TTN: variants seen among roughly 807,000 people sequenced by gnomAD.
The protein encoded by TTN is connectin.
Under a neutral mutation model 3,223.0 loss-of-function variants are expected in TTN, and 1,525 were observed. The ratio of observed to expected loss-of-function variants is 0.47; its 90% confidence interval spans 0.45 to 0.49. The LOEUF is 0.49. TTN is among the 20% of genes least tolerant of loss of function. TTN has a pLI of 0.00. For missense variants in TTN, 40,786 were observed against 43,424.0 expected (o/e 0.94, Z 5.40); for synonymous variants, 14,094 against 15,161.0 (o/e 0.93, Z 5.17).
At position 178,591,518 on chromosome 2, in the gene TTN, A is replaced by T. The variant is rs1294929141; in HGVS notation, c.60221-14T>A. ...CGGATGGAGGCACTGAAAAGTAAAC[A>T]TGAAAAAATTAGATTTTGATTTTCA... is the stretch of plus-strand genomic sequence containing the variant. On this transcript the variant is annotated splice_polypyrimidine_tract_variant and intron_variant, in intron 303 of 362. Transcript: ENST00000589042. The T allele has an allele frequency of 6.3e-7, 1 of 1,583,336 alleles. No homozygotes were observed. Among genetic ancestry groups the T allele is most frequent in the East Asian group, 2.2e-5 (1 of 44,648 alleles).
chr2:178,722,533 T>C lies in TTN; in HGVS notation c.22254A>G (p.Pro7418=), dbSNP rs1188873751. ...CCTTTAATTGTCTTGCAAAAGAAGGTGGGAGTTGGCGCTCTGTAGGGAGAC... is the reference window on the plus strand; with the variant it reads ...CCTTTAATTGTCTTGCAAAAGAAGGCGGGAGTTGGCGCTCTGTAGGGAGAC... The part of the protein sequence containing the change: ...TVFRIQERQL[P]PSFARQLKDI... Residue 7418 remains proline (P), a synonymous_variant, in exon 77 of 363, where the codon CCA becomes CCG. Coordinates refer to ENST00000589042, the MANE Select transcript of TTN (RefSeq NM_001267550.2). The C allele has an allele frequency of 6.2e-7, 1 of 1,611,886 alleles. No homozygotes were observed. The highest frequency in any genetic ancestry group is 8.5e-7 in the Non-Finnish European group (1 of 1,178,598).
In TTN at chr2:178,799,691, A is replaced by G; in HGVS notation, c.710T>C (p.Val237Ala). ...AGCGGCACCATCTATGACCATCTCA[A>G]CTGTTGCAATTGATCTGGCATCAAA... ...AHFDARSIATVEMVIDGAAGQ... is the reference protein window; with the variant it reads ...AHFDARSIATAEMVIDGAAGQ... The change falls in exon 6 of 363, where the codon GTT becomes GCT. Residue 237 changes from valine (V) to alanine (A), a missense_variant. Physicochemically the swap from Val to Ala is moderately conservative, Grantham distance 64 (BLOSUM62 0). Transcript: ENST00000589042. The G allele has an allele frequency of 6.2e-7, 1 of 1,614,212 alleles. No homozygotes were observed. Among genetic ancestry groups the G allele is most frequent in the South Asian group, 1.1e-5 (1 of 91,084 alleles).
intron 149 of TTN, 73 bp downstream of exon 149, chr2:178,675,598 G>T: frequency 2.6e-6 from 3 of 1,138,744 alleles, no homozygotes; most frequent in Non-Finnish European, 3.5e-6. Flanking sequence ...CATTTATGTT[G>T]AGTGTCCTGT....
At position 178,723,625 on chromosome 2, in the gene TTN, C is replaced by T. The variant is rs371267140; in HGVS notation, c.21475G>A (p.Val7159Ile). The T allele has an allele frequency of 3.4e-5, 55 of 1,612,026 alleles. No homozygotes were observed. The highest frequency in any genetic ancestry group is 2.4e-4 in the African/African-American group (18 of 74,824). The change falls in exon 74 of 363, where the codon GTT becomes ATT. Residue 7159 changes from valine to isoleucine, a missense_variant. Physicochemically the swap from Val to Ile is conservative, Grantham distance 29 (BLOSUM62 3). Transcript: ENST00000589042. ...TTGAATGGAGGGGTTCCTCTAATAA[C>T]GCTTGTGAAGGTTACATTTTTGCCT... Reference protein sequence around the residue: ...LPGKNVTFTSVIRGTPPFKVN... With the variant: ...LPGKNVTFTSIIRGTPPFKVN...
intron 43 of TTN, 51 bp downstream of exon 43, chr2:178,764,126 A>T (rs760173583): frequency 3.7e-6 from 6 of 1,613,478 alleles, no homozygotes; most frequent in Middle Eastern, 1.7e-4. Flanking sequence ...TGTTTTTCCC[A>T]TGTAATTATT....
In TTN at chr2:178,731,057, T is replaced by C; in HGVS notation, c.17608A>G (p.Lys5870Glu). 6.2e-7 allele frequency: 1 copy of C among 1,613,736 alleles called. No homozygotes were observed. The highest frequency in any genetic ancestry group is 8.5e-7 in the Non-Finnish European group (1 of 1,179,722). The part of the protein sequence containing the change: ...GQELTLGSKY[K>E]ISVTDTVSIL... ...GAGACTGTATCAGTGACACTGATTTTATATTTTGAGCCCAGGGTCAGTTCT... is the reference window on the plus strand; with the variant it reads ...GAGACTGTATCAGTGACACTGATTTCATATTTTGAGCCCAGGGTCAGTTCT... The change falls in exon 60 of 363, where the codon AAA (lysine) becomes GAA (glutamate). Residue 5870 changes from lysine (K) to glutamate (E), a missense_variant. Lys to Glu is a moderately conservative substitution (Grantham distance 56, BLOSUM62 1). Coordinates refer to ENST00000589042, the MANE Select transcript of TTN (RefSeq NM_001267550.2).
At position 178,544,568 on chromosome 2, in the gene TTN, T is replaced by A. The variant is rs1696143790; in HGVS notation, c.95723-62A>T. 8.2e-6 allele frequency: 12 copies of A among 1,456,268 alleles called. No individual in the cohort carries two copies. In the South Asian group the frequency reaches 1.2e-4, roughly 14 times the overall value. The allele number at this position is 1,456,268 out of a possible 1,614,324, so 90.2% of individuals were successfully genotyped here. On this transcript the variant is annotated intron_variant, in intron 344 of 362. Coordinates refer to ENST00000589042, the MANE Select transcript of TTN (RefSeq NM_001267550.2). The stretch of plus-strand genomic sequence containing the variant: ...AAATAAGGAAATGTTGAGATTTGTA[T>A]TTTTTGTTTTCAAGACTCACAAAGG...
rs867738419 is a variant in TTN, at chr2:178,764,630, C to T, written c.9885G>A (p.Thr3295=). The change falls in exon 42 of 363, where the codon ACG becomes ACA. Residue 3295 remains threonine, a synonymous_variant. Coordinates refer to ENST00000589042, the MANE Select transcript of TTN (RefSeq NM_001267550.2). The stretch of plus-strand genomic sequence containing the variant: ...CTGGGAAGGCTTCAATTAGCAAAAG[C>T]GTGTATTCTTGCCCATCATGAAGAA... ...CKFLHDGQEY[T]LLLIEAFPED... is the part of the protein sequence containing the mutation. 8 of 1,613,938 alleles carry T rather than the reference C, an allele frequency of 5.0e-6. No homozygotes were observed. Among genetic ancestry groups the T allele is most frequent in the East Asian group, 4.5e-5 (2 of 44,876 alleles).
chr2:178,575,223 C>T lies in TTN; in HGVS notation c.70909G>A (p.Gly23637Ser), dbSNP rs1243986262. Residue 23637 changes from glycine (G) to serine (S), a missense_variant, in exon 326 of 363, where the codon GGC (glycine) becomes AGC (serine). Coordinates refer to ENST00000589042, the MANE Select transcript of TTN (RefSeq NM_001267550.2). This position sits in a 1 kb window ranked among gnomAD's most constrained non-coding sequence, Gnocchi z 4.0. Reference protein sequence around the residue: ...QTMLPELDLRGIYQKLVIAKA... With the variant: ...QTMLPELDLRSIYQKLVIAKA... ...GCAATGACCAGTTTCTGATAGATGC[C>T]ACGGAGATCCAGCTCTGGAAGCATT... is the stretch of plus-strand genomic sequence containing the variant. 2 of 1,612,856 alleles carry T rather than the reference C, an allele frequency of 1.2e-6. No homozygotes were observed. The highest frequency in any genetic ancestry group is 1.7e-5 in the Admixed American group (1 of 59,914).
chr2:178,546,399 T>C lies in TTN; in HGVS notation c.94932A>G (p.Glu31644=). Reference sequence around the variant, plus strand: ...CTCCTTTGGTCCAGATAATTTTGGGTTCAGGTTTGCCACCAACTGCAGCAT... The same window carrying C: ...CTCCTTTGGTCCAGATAATTTTGGGCTCAGGTTTGCCACCAACTGCAGCAT... ...VLDAAVGGKP[E]PKIIWTKGDK... is the part of the protein sequence containing the mutation. The change falls in exon 342 of 363, where the codon GAA becomes GAG. Residue 31644 remains glutamate (E), a synonymous_variant. Transcript: ENST00000589042. 1 of 1,613,788 alleles carries C rather than the reference T, an allele frequency of 6.2e-7. No homozygotes were observed. Among genetic ancestry groups the C allele is most frequent in the Non-Finnish European group, 8.5e-7 (1 of 1,179,750 alleles).
At position 178,527,730 on chromosome 2, in the gene TTN, G is replaced by A; in HGVS notation, c.107396C>T (p.Ser35799Phe). Residue 35799 changes from serine to phenylalanine, a missense_variant, in exon 362 of 363, where the codon TCC (serine) becomes TTC (phenylalanine). Coordinates refer to ENST00000589042, the MANE Select transcript of TTN (RefSeq NM_001267550.2). ...ACTTGTTCTCAATACTACCTCTCTG[G>A]AAGGTTCTTCAACTAGAGCTGTGGA... is the stretch of plus-strand genomic sequence containing the variant. Reference protein sequence around the residue: ...LMVLPLVEEPSREVVLRTSGD... With the variant: ...LMVLPLVEEPFREVVLRTSGD... 6.2e-7 allele frequency: 1 copy of A among 1,601,418 alleles called. No individual in the cohort carries two copies. Among genetic ancestry groups the A allele is most frequent in the Non-Finnish European group, 8.5e-7 (1 of 1,171,754 alleles).
rs886042431 is a variant in TTN, at chr2:178,768,150, G to C, written c.9169C>G (p.His3057Asp). 6.2e-7 allele frequency: 1 copy of C among 1,613,946 alleles called. No homozygotes were observed. Among genetic ancestry groups the C allele is most frequent in the Non-Finnish European group, 8.5e-7 (1 of 1,179,982 alleles). ...STATLYVEAR[H>D]IEFRKHIKDI... is the part of the protein sequence containing the mutation. ...TTAATGTGTTTCCTAAATTCTATAT[G>C]ACGAGCTGGAAAATAGCATGTAGAA... The change falls in exon 39 of 363, where the codon CAT becomes GAT. Residue 3057 changes from histidine to aspartate, a missense_variant. His to Asp is a moderately conservative substitution (Grantham distance 81). Transcript: ENST00000589042.
Position 178,563,927 on chromosome 2 carries a change from A to G in TTN, c.82205T>C (p.Ile27402Thr), listed in dbSNP as rs1440068759. ...NPPLQDGGAN[I>T]SHYIIEKRET... ...CCTCTTTTCAATGATGTAATGTGAA[A>G]TATTAGCACCACCATCTTGCAAAGG... is the stretch of plus-strand genomic sequence containing the variant. The change falls in exon 326 of 363, where the codon ATT (isoleucine) becomes ACT (threonine). Residue 27402 changes from isoleucine to threonine, a missense_variant. Transcript: ENST00000589042. This position sits in a 1 kb window ranked among gnomAD's most constrained non-coding sequence, Gnocchi z 4.5. 9 of 1,613,586 alleles carry G rather than the reference A, an allele frequency of 5.6e-6. No homozygotes were observed. In the Admixed American group the frequency reaches 8.3e-5, roughly 15 times the overall value.
Position 178,611,055 on chromosome 2 carries a change from T to C in TTN, c.51074A>G (p.Tyr17025Cys). Residue 17025 changes from tyrosine to cysteine, a missense_variant, in exon 270 of 363, where the codon TAT (tyrosine) becomes TGT (cysteine). Coordinates refer to ENST00000589042, the MANE Select transcript of TTN (RefSeq NM_001267550.2). Reference sequence around the variant, plus strand: ...GAGCTTATTCTCCAGTGTAATGGTATAAATTCCGGCATCTGCACGGACACT... The same window carrying C: ...GAGCTTATTCTCCAGTGTAATGGTACAAATTCCGGCATCTGCACGGACACT... ...PKSVRADAGI[Y>C]TITLENKLGS... 6.2e-7 allele frequency: 1 copy of C among 1,612,852 alleles called. No individual in the cohort carries two copies. Among genetic ancestry groups the C allele is most frequent in the Non-Finnish European group, 8.5e-7 (1 of 1,179,180 alleles).
Position 178,618,833 on chromosome 2 carries a change from C to T in TTN, c.46717G>A (p.Ala15573Thr). Residue 15573 changes from alanine to threonine, a missense_variant, in exon 251 of 363, where the codon GCT (alanine) becomes ACT (threonine). By Grantham distance (58) the Ala-to-Thr change is moderately conservative. Coordinates refer to ENST00000589042, the MANE Select transcript of TTN (RefSeq NM_001267550.2). ...ACATCAACCACAAGGTCTTGGTCAG[C>T]TGTCTTGATTTTTGGTGCAGCTAGT... ...ELAAAPKIKTADQDLVVDVGK... is the reference protein window; with the variant it reads ...ELAAAPKIKTTDQDLVVDVGK... The T allele has an allele frequency of 6.2e-7, 1 of 1,609,812 alleles. No individual in the cohort carries two copies. Among genetic ancestry groups the T allele is most frequent in the South Asian group, 1.1e-5 (1 of 90,676 alleles).
In TTN at chr2:178,649,537, A is replaced by G. The variant is rs1418761679; in HGVS notation, c.39973+17T>C. The G allele has an allele frequency of 6.5e-7, 1 of 1,546,682 alleles. No individual in the cohort carries two copies. Among genetic ancestry groups the G allele is most frequent in the Non-Finnish European group, 8.7e-7 (1 of 1,144,776 alleles). On this transcript the variant is annotated intron_variant, in intron 212 of 362. Coordinates refer to ENST00000589042, the MANE Select transcript of TTN (RefSeq NM_001267550.2). ...AGAATACTTTCTTTTTTATGATGCC[A>G]ACGATGAAGTGAATACCTTTAGCTG... is the stretch of plus-strand genomic sequence containing the variant.
At position 178,598,543 on chromosome 2, in the gene TTN, A is replaced by G. The variant is rs762688055; in HGVS notation, c.57074T>C (p.Val19025Ala). 8.7e-6 allele frequency: 14 copies of G among 1,609,288 alleles called. No homozygotes were observed. The East Asian group carries it at 2.5e-4, about 28-fold the overall frequency. Residue 19025 changes from valine to alanine, a missense_variant, in exon 292 of 363, where the codon GTT becomes GCT. Physicochemically the swap from Val to Ala is moderately conservative, Grantham distance 64. Coordinates refer to ENST00000589042, the MANE Select transcript of TTN (RefSeq NM_001267550.2). ...TTCTTTTCCTTCTTCTTTATATTCA[A>G]CGATGTATCCAGTTACTTTGGATCC... ...DGGSKVTGYI[V>A]EYKEEGKEEW...
Position 178,766,715 on chromosome 2 carries a change from G to T in TTN, c.9472-103C>A, listed in dbSNP as rs866541900. On this transcript the variant is annotated intron_variant, in intron 40 of 362. Transcript: ENST00000589042. ...TCTAAAACTGGTCAATGAATGGCAT[G>T]TGAAACCAATATATTATAATGTAAT... is the stretch of plus-strand genomic sequence containing the variant. 133 of 848,956 alleles carry T rather than the reference G, an allele frequency of 1.6e-4. No individual in the cohort carries two copies. In the Middle Eastern group the frequency reaches 5.2e-3, roughly 33 times the overall value. The allele number at this position is 848,956 out of a possible 1,614,324, so 52.6% of individuals were successfully genotyped here.
Position 178,551,225 on chromosome 2 carries a change from G to A in TTN, c.91306C>T (p.Arg30436Trp), listed in dbSNP as rs773600127. 21 of 1,613,032 alleles carry A rather than the reference G, an allele frequency of 1.3e-5. No homozygotes were observed. The highest frequency in any genetic ancestry group is 5.0e-5 in the Admixed American group (3 of 59,970). ...TTCCATTTAAGTGTGATGGTTTCCC[G>A]GGTGACATCAATGTAGTCAGGAGTG... ...PGTPDYIDVT[R>W]ETITLKWNPP... is the part of the protein sequence containing the mutation. The change falls in exon 336 of 363, where the codon CGG becomes TGG. Residue 30436 changes from arginine (R) to tryptophan (W), a missense_variant. Coordinates refer to ENST00000589042, the MANE Select transcript of TTN (RefSeq NM_001267550.2).
Sources: allele counts gnomAD v4.1 joint callset, GRCh38; gene constraint gnomAD v4.1.1; non-coding constraint Gnocchi (gnomAD v3.1); transcripts MANE v1.5; gene names NCBI Gene and HGNC (gene_info 2026-07-23, HGNC 2026-07-21).